The following ZBTB46 variants were observed in gnomAD, a reference collection of about 807,000 sequenced individuals.
ZBTB46 encodes zinc finger and BTB domain containing 46.
In ZBTB46, 8 loss-of-function variants were observed where a neutral mutation model predicts 44.1. The ratio of observed to expected loss-of-function variants is 0.18; its 90% CI spans 0.11 to 0.33. The LOEUF is 0.33. Ranked by LOEUF, ZBTB46 falls within the 10% of genes least tolerant of loss-of-function variation. The probability of loss-of-function intolerance (pLI) is 1.00; values close to 1 mark genes in which losing one functional copy is unlikely to be tolerated. For synonymous variants in ZBTB46, 409 were observed against 382.3 expected, an observed-to-expected ratio of 1.07 and a Z score of -0.81; for missense variants, 651 against 847.7, an observed-to-expected ratio of 0.77 and a Z score of 2.88.
At chr20:63,814,356 TTCTC>T (rs1238253547) in intron 1 of ZBTB46, among the ~76,000 whole-genome samples, 5 of 152,132 alleles carry the variant, frequency 3.3e-5, no homozygotes, top group African/African-American at 1.2e-4. Context: ...GACGTGGACG[TTCTC>T]TCTAATTTTG....
chr20:63,757,649 C>G (rs908137355), intron 3 of ZBTB46, among the ~76,000 whole-genome samples: 1 of 152,176 alleles, frequency 6.6e-6, no homozygotes, highest in East Asian at 1.9e-4. Context: ...TCCAAGATCA[C>G]CTTAGCCATG....
chr20:63,813,032 AG>A (rs1030346604), intron 1 of ZBTB46, among the ~76,000 whole-genome samples: 37 of 151,948 alleles, frequency 2.4e-4, no homozygotes, highest in African/African-American at 8.7e-4. Flanking sequence ...CGGAAGGCGG[AG>A]GTTGCAGTGA....
In ZBTB46 at chr20:63,810,040, G is replaced by A. The variant is rs1020621040; in HGVS notation, c.-33-19250C>T. On this transcript the variant is annotated intron_variant, in intron 1 of 4. Transcript: ENST00000245663. Reference sequence around the variant, plus strand: ...CGTAATGTCAATTACAAAGGTGGCCGTGACACAGGAGGCCCAGAGTGGGGC... The same window carrying A: ...CGTAATGTCAATTACAAAGGTGGCCATGACACAGGAGGCCCAGAGTGGGGC... Among the ~76,000 whole-genome samples, 7 of 152,156 alleles carry A rather than the reference G, an allele frequency of 4.6e-5. No homozygotes were observed. The South Asian group carries it at 1.0e-3, about 22-fold the overall frequency.
In ZBTB46 at chr20:63,752,104, G is replaced by C. The variant is rs1451609421; in HGVS notation, c.1398+582C>G. On this transcript the variant is annotated intron_variant, in intron 4 of 4. Transcript: ENST00000245663. The surrounding 1 kb of genome is among the most constrained non-coding windows in gnomAD (Gnocchi z 5.6). ...CTCCCCGAACCCTTGGGGCCGCCCCGCTCTGGGCTGCCTGTGCCCCACCCG... is the reference window on the plus strand; with the variant it reads ...CTCCCCGAACCCTTGGGGCCGCCCCCCTCTGGGCTGCCTGTGCCCCACCCG... Among the ~76,000 whole-genome samples, 3 of 152,102 alleles carry C rather than the reference G, an allele frequency of 2.0e-5. No homozygotes were observed. Among genetic ancestry groups the C allele is most frequent in the Non-Finnish European group, 2.9e-5 (2 of 68,004 alleles).
At chr20:63,819,752 G>A (rs781056129) in intron 1 of ZBTB46, among the ~76,000 whole-genome samples, 8 of 152,252 alleles carry the variant, frequency 5.3e-5, no homozygotes, top group East Asian at 1.9e-4. Flanking sequence ...GTGCCACCTC[G>A]TAACTCCCTG....
chr20:63,763,030 ATT>A (rs1406205723), intron 3 of ZBTB46, among the ~76,000 whole-genome samples: 1 of 152,012 alleles, frequency 6.6e-6, no homozygotes, highest in Non-Finnish European at 1.5e-5. Context: ...CCAGCTAATT[ATT>A]TAATTCTTTT....
At chr20:63,828,209 C>T (rs2092829741) in intron 1 of ZBTB46, among the ~76,000 whole-genome samples, 1 of 152,238 alleles carries the variant, frequency 6.6e-6, no homozygotes, top group African/African-American at 2.4e-5. Flanking sequence ...ATATGTGAGG[C>T]ACTCAAAGGG....
intron 1 of ZBTB46, among the ~76,000 whole-genome samples, chr20:63,802,885 G>A (rs1047808540): frequency 5.9e-5 from 9 of 151,954 alleles, no homozygotes; most frequent in African/African-American, 1.9e-4. Flanking sequence ...CAGGAACCGC[G>A]GCGGGCTGAT....
chr20:63,761,713 C>T (rs1440595076), intron 3 of ZBTB46, among the ~76,000 whole-genome samples: 1 of 149,212 alleles, frequency 6.7e-6, no homozygotes, highest in Non-Finnish European at 1.5e-5. Context: ...ACCCCGGAGG[C>T]AGAGGTTGCA....
chr20:63,748,975 C>A (rs932825), intron 4 of ZBTB46, among the ~76,000 whole-genome samples: 1 of 152,166 alleles, frequency 6.6e-6, no homozygotes, highest in Admixed American at 6.5e-5. Context: ...CGGGCCCTTA[C>A]GTACTTCCTG....
chr20:63,784,874 G>A (rs1004993136), intron 2 of ZBTB46, among the ~76,000 whole-genome samples: 1 of 152,220 alleles, frequency 6.6e-6, no homozygotes. Flanking sequence ...CCGGGATGAT[G>A]CACAGAGGGG....
chr20:63,784,948 T>C (rs2092500701), intron 2 of ZBTB46, among the ~76,000 whole-genome samples: 2 of 152,128 alleles, frequency 1.3e-5, no homozygotes. Flanking sequence ...AAAAGAGACT[T>C]TGTGGCCGGG....
intron 3 of ZBTB46, among the ~76,000 whole-genome samples, chr20:63,758,983 C>T (rs1240319888): frequency 1.3e-5 from 2 of 152,210 alleles, no homozygotes; most frequent in Non-Finnish European, 2.9e-5. Context: ...CCGGCCGCCT[C>T]GGCCTCCCAA....
At chr20:63,820,652 G>A (rs1279798281) in intron 1 of ZBTB46, among the ~76,000 whole-genome samples, 5 of 151,062 alleles carry the variant, frequency 3.3e-5, no homozygotes, top group African/African-American at 1.2e-4. Context: ...GGCTGATCTC[G>A]AACTCCCGAC....
intron 4 of ZBTB46, among the ~76,000 whole-genome samples, chr20:63,751,032 TC>T (rs1375560024): frequency 6.6e-6 from 1 of 152,098 alleles, no homozygotes; most frequent in Non-Finnish European, 1.5e-5. Context: ...GACGTTGCAA[TC>T]CATGTTGTTA....
intron 1 of ZBTB46, among the ~76,000 whole-genome samples, chr20:63,817,133 G>A (rs1454211939): frequency 3.9e-5 from 6 of 151,978 alleles, no homozygotes; most frequent in Non-Finnish European, 8.8e-5. Context: ...AAAAGAAAAG[G>A]AAAGGGCCAG....
At chr20:63,796,399 C>A (rs141687954) in intron 1 of ZBTB46, among the ~76,000 whole-genome samples, 123 of 152,370 alleles carry the variant, frequency 8.1e-4, no homozygotes, top group South Asian at 1.7e-3. Flanking sequence ...AATTCCAAAC[C>A]ACTCAGCGGG....
At chr20:63,760,340 T>G (rs1219605112) in intron 3 of ZBTB46, among the ~76,000 whole-genome samples, 1 of 152,278 alleles carries the variant, frequency 6.6e-6, no homozygotes, top group African/African-American at 2.4e-5. Context: ...CCAGTTTTGA[T>G]AAATTCTGTT....
At position 63,787,070 on chromosome 20, in the gene ZBTB46, G is replaced by A. The variant is rs2092522238; in HGVS notation, c.937+2751C>T. Among the ~76,000 whole-genome samples, 2 of 152,310 alleles carry A rather than the reference G, an allele frequency of 1.3e-5. No homozygotes were observed. Among genetic ancestry groups the A allele is most frequent in the South Asian group, 4.1e-4 (2 of 4,820 alleles). ...AAAGTAGAACAGCATTTACCCGCAG[G>A]TGGGGTAGAGGCAAGAGGAAGGTAC... On this transcript the variant is annotated intron_variant, in intron 2 of 4. Transcript: ENST00000245663. This position sits in a 1 kb window ranked among gnomAD's most constrained non-coding sequence, Gnocchi z 4.6.
Sources: gnomAD v4.1 joint callset for allele counts (sites outside exome capture counted in the v4.1 genomes callset) on GRCh38, gnomAD v4.1.1 for gene constraint, Gnocchi (gnomAD v3.1) non-coding constraint, MANE v1.5 for transcripts, NCBI Gene and HGNC (gene_info 2026-07-23, HGNC 2026-07-21) for gene names.